VPS54: variants seen among roughly 807,000 people sequenced by gnomAD.
VPS54 encodes the protein VPS54 subunit of GARP complex, also known as vacuolar protein sorting-associated protein 54.
Under a neutral mutation model 121.5 loss-of-function variants are expected in VPS54, and 45 were observed. The ratio of observed to expected loss-of-function variants is 0.37; its 90% CI spans 0.29 to 0.47. The LOEUF (loss-of-function observed/expected upper bound fraction) is 0.47. VPS54 is among the 20% of genes least tolerant of loss of function. The pLI is 0.99. For missense variants in VPS54, 1,090 were observed against 1,131.4 expected, an observed-to-expected ratio of 0.96 and a Z score of 0.52; for synonymous variants, 371 against 385.8, an observed-to-expected ratio of 0.96 and a Z score of 0.45.
chr2:63,911,582 G>A (rs1037115904), intron 20 of VPS54, among the ~76,000 whole-genome samples: 7 of 152,216 alleles, frequency 4.6e-5, no homozygotes, highest in Non-Finnish European at 1.5e-5. Flanking sequence ...TAGAATATGT[G>A]TTTGGGTAGT....
At chr2:63,984,645 T>G (rs546903607) in intron 1 of VPS54, among the ~76,000 whole-genome samples, 1 of 152,342 alleles carries the variant, frequency 6.6e-6, no homozygotes, top group African/African-American at 2.4e-5. Flanking sequence ...AGTAATTAAA[T>G]TCTTTAAAAA....
rs181295984 is a variant in VPS54, at chr2:63,947,758, A to G, written c.1138-268T>C. Among the ~76,000 whole-genome samples the G allele has an allele frequency of 1.6e-4, 25 of 152,264 alleles. No homozygotes were observed. In the East Asian group the frequency reaches 4.0e-3, roughly 25 times the overall value. On this transcript the variant is annotated intron_variant, in intron 8 of 22. Coordinates refer to ENST00000272322, the MANE Select transcript of VPS54 (RefSeq NM_016516.3). ...ACAATACAAGGGTATTTTTTGTTCTAGTTTCAACAAGTAAAAAATATCCTT... is the reference window on the plus strand; with the variant it reads ...ACAATACAAGGGTATTTTTTGTTCTGGTTTCAACAAGTAAAAAATATCCTT...
chr2:63,976,038 A>C (rs1292642957), intron 3 of VPS54, among the ~76,000 whole-genome samples: 1 of 152,128 alleles, frequency 6.6e-6, no homozygotes, highest in Non-Finnish European at 1.5e-5. Context: ...TACATTCTTT[A>C]TCAAGTTAAG....
At chr2:63,900,153 C>T (rs1672614880) in intron 20 of VPS54, among the ~76,000 whole-genome samples, 1 of 134,314 alleles carries the variant, frequency 7.4e-6, no homozygotes, top group Non-Finnish European at 1.5e-5. Flanking sequence ...CTGGGAGGTG[C>T]AGGTTGCAGT....
intron 1 of VPS54, among the ~76,000 whole-genome samples, chr2:64,002,870 T>C (rs1370580649): frequency 1.3e-5 from 2 of 152,190 alleles, no homozygotes; most frequent in South Asian, 2.1e-4. Flanking sequence ...AACATTTGAC[T>C]CTTCACTGCC....
intron 15 of VPS54, among the ~76,000 whole-genome samples, chr2:63,917,256 G>A (rs1673428758): frequency 6.6e-6 from 1 of 151,944 alleles, no homozygotes; most frequent in African/African-American, 2.4e-5. Flanking sequence ...ATATCTTTCA[G>A]GGTTGTTGTT....
intron 1 of VPS54, among the ~76,000 whole-genome samples, chr2:63,994,657 A>G (rs1238542233): frequency 6.6e-6 from 1 of 152,218 alleles, no homozygotes; most frequent in East Asian, 1.9e-4. Context: ...AAACCAGGAC[A>G]TTTGGTCTCC....
At chr2:63,926,969 G>C (rs190457980) in intron 12 of VPS54, among the ~76,000 whole-genome samples, 111 of 152,258 alleles carry the variant, frequency 7.3e-4, no homozygotes, top group Non-Finnish European at 1.5e-3. Flanking sequence ...TGAGTAGGCA[G>C]TTCTATGCTC....
chr2:63,926,463 A>C (rs1000197970), intron 12 of VPS54, among the ~76,000 whole-genome samples: 4 of 152,222 alleles, frequency 2.6e-5, no homozygotes, highest in African/African-American at 7.2e-5. Flanking sequence ...TGTGACCTTT[A>C]TAAGCTCCAG....
chr2:63,940,566 G>T (rs910970934), intron 11 of VPS54, among the ~76,000 whole-genome samples: 1 of 151,972 alleles, frequency 6.6e-6, no homozygotes, highest in African/African-American at 2.4e-5. Context: ...ACGTACAGCA[G>T]GTTTTTGAAT....
intron 4 of VPS54, among the ~76,000 whole-genome samples, chr2:63,971,730 T>C (rs1403547317): frequency 6.6e-6 from 1 of 152,208 alleles, no homozygotes; most frequent in Non-Finnish European, 1.5e-5. Flanking sequence ...TTTCTTTCTT[T>C]AAACTTATTC....
At chr2:63,974,961 A>G (rs1331733374) in intron 3 of VPS54, 3 of 1,542,816 alleles carry the variant, frequency 1.9e-6, no homozygotes, top group African/African-American at 1.4e-5. Context: ...ATGTTAAAAG[A>G]AACAGTGACA....
chr2:63,992,508 C>A (rs1456811153), intron 1 of VPS54, among the ~76,000 whole-genome samples: 1 of 152,240 alleles, frequency 6.6e-6, no homozygotes, highest in Non-Finnish European at 1.5e-5. Context: ...GCCACTGCCA[C>A]GCCTCCTGAT....
rs1305901738 is a variant in VPS54 at position 63,933,707 on chromosome 2, A to T, written c.1705T>A (p.Ser569Thr). 4 of 1,613,528 alleles carry T rather than the reference A, an allele frequency of 2.5e-6. No homozygotes were observed. Residue 569 changes from serine (S) to threonine (T), a missense_variant, in exon 12 of 23, where the codon TCA becomes ACA. By Grantham distance (58) the Ser-to-Thr change is moderately conservative (BLOSUM62 1). Transcript: ENST00000272322. ...TDSSSSKEHT[S>T]SSAIPGGVDI... is the part of the protein sequence containing the mutation. ...ACACCTCCTGGAATAGCAGATGATG[A>T]TGTGTGCTCTTTGCTGGATGAAGAA...
At chr2:63,942,710 T>C (rs950797807) in intron 10 of VPS54, 149 bp from the exon 11 acceptor site, 1 of 649,404 alleles carries the variant, frequency 1.5e-6, no homozygotes, top group Non-Finnish European at 2.6e-6. Context: ...AAGAGGTAAA[T>C]TACCAAAGAG....
In VPS54 at chr2:63,949,465, T is replaced by C. The variant is rs147431471; in HGVS notation, c.1011-302A>G. 7.0e-3 allele frequency among the ~76,000 whole-genome samples: 1,061 copies of C among 152,330 alleles called. 5 individuals carry two copies. The highest frequency in any genetic ancestry group is 0.019 in the South Asian group (93 of 4,832). On this transcript the variant is annotated intron_variant, in intron 7 of 22. Coordinates refer to ENST00000272322, the MANE Select transcript of VPS54 (RefSeq NM_016516.3). The stretch of plus-strand genomic sequence containing the variant: ...CCCCAAAAATTTAACTAATAGCTTA[T>C]GTTGACCAGAAGCCTTACCAATAAC...
intron 7 of VPS54, among the ~76,000 whole-genome samples, chr2:63,955,827 A>G (rs1249052071): frequency 6.6e-6 from 1 of 152,104 alleles, no homozygotes; most frequent in Non-Finnish European, 1.5e-5. Flanking sequence ...ATGCAATAAT[A>G]ATGATGTATG....
At chr2:63,931,297 C>A (rs1380404412) in intron 12 of VPS54, among the ~76,000 whole-genome samples, 7 of 152,096 alleles carry the variant, frequency 4.6e-5, no homozygotes, top group Admixed American at 4.6e-4. Context: ...ATACCGGTAC[C>A]AAAACAGATA....
chr2:63,917,648 T>G (rs1444622397), intron 15 of VPS54, among the ~76,000 whole-genome samples: 1 of 152,002 alleles, frequency 6.6e-6, no homozygotes, highest in East Asian at 1.9e-4. Context: ...GTAAATATAT[T>G]TGACTATTTG....
Sources: allele counts gnomAD v4.1 joint callset (sites outside exome capture counted in the v4.1 genomes callset), GRCh38; gene constraint gnomAD v4.1.1; transcripts MANE v1.5; gene names NCBI Gene and HGNC (gene_info 2026-07-23, HGNC 2026-07-21).